CFAP299: variants seen among roughly 807,000 people sequenced by gnomAD.
The protein encoded by CFAP299 is cilia- and flagella-associated protein 299.
Under a neutral mutation model 27.0 loss-of-function variants are expected in CFAP299, and 21 were observed. That is an observed-to-expected ratio of 0.78 (90% CI 0.55 to 1.12). The LOEUF is 1.12. CFAP299 is among the 50% of genes most tolerant of loss of function. The pLI, the probability that CFAP299 is intolerant of heterozygous loss-of-function variation, is 0.00. For missense variants in CFAP299, 310 were observed against 276.6 expected (o/e 1.12, Z -0.86); for synonymous variants, 104 against 98.1 (o/e 1.06, Z -0.36).
intron 3 of CFAP299, among the ~76,000 whole-genome samples, chr4:80,836,797 A>G (rs1256152375): frequency 1.3e-5 from 2 of 152,092 alleles, no homozygotes; most frequent in Non-Finnish European, 2.9e-5. Flanking sequence ...CCTAATTTTG[A>G]TGATCTAGGA....
intron 2 of CFAP299, among the ~76,000 whole-genome samples, chr4:80,416,837 A>C (rs190837465): frequency 6.6e-6 from 1 of 152,362 alleles, no homozygotes; most frequent in Non-Finnish European, 1.5e-5. Context: ...GCTCACCAAC[A>C]GTAAAGTGGT....
At chr4:80,797,016 A>G (rs985996836) in intron 3 of CFAP299, among the ~76,000 whole-genome samples, 1 of 152,016 alleles carries the variant, frequency 6.6e-6, no homozygotes, top group African/African-American at 2.4e-5. Context: ...CTGAGCTAAA[A>G]CTCCATTAAT....
chr4:80,645,346 C>A (rs942873266), intron 3 of CFAP299, among the ~76,000 whole-genome samples: 8 of 134,028 alleles, frequency 6.0e-5, no homozygotes, highest in Middle Eastern at 3.4e-3. Flanking sequence ...CTCTACCTAC[C>A]TTCTTTTAGC....
At chr4:80,764,083 C>G (rs1041700502) in intron 3 of CFAP299, among the ~76,000 whole-genome samples, 3 of 152,026 alleles carry the variant, frequency 2.0e-5, no homozygotes, top group Non-Finnish European at 4.4e-5. Context: ...GTAGTTGCAA[C>G]AAAGCAAAAT....
chr4:80,546,332 C>T (rs1364210277), intron 2 of CFAP299, among the ~76,000 whole-genome samples: 5 of 152,258 alleles, frequency 3.3e-5, no homozygotes, highest in South Asian at 2.1e-4. Context: ...TACACCAATA[C>T]TATTCAACCT....
chr4:80,467,982 AG>A (rs1729791214), intron 2 of CFAP299, among the ~76,000 whole-genome samples: 1 of 152,176 alleles, frequency 6.6e-6, no homozygotes, highest in South Asian at 2.1e-4. Flanking sequence ...CCTCTCATCA[AG>A]TCCTTCTCTT....
At chr4:80,719,381 A>G (rs1052094137) in intron 3 of CFAP299, among the ~76,000 whole-genome samples, 1 of 152,162 alleles carries the variant, frequency 6.6e-6, no homozygotes, top group Non-Finnish European at 1.5e-5. Flanking sequence ...CTATGTTGAC[A>G]TTTTTGTTTC....
chr4:80,753,196 CTATT>C (rs920338408), intron 3 of CFAP299, among the ~76,000 whole-genome samples: 29 of 151,890 alleles, frequency 1.9e-4, no homozygotes, highest in South Asian at 4.1e-4. Context: ...TGAAATGTCT[CTATT>C]TATTTTTGTC....
At chr4:80,401,358 T>A (rs571064185) in intron 2 of CFAP299, among the ~76,000 whole-genome samples, 1 of 152,024 alleles carries the variant, frequency 6.6e-6, no homozygotes, top group Non-Finnish European at 1.5e-5. Flanking sequence ...TAAAAATGGT[T>A]TAGTGGACTG....
At chr4:80,400,310 C>T (rs1024684246) in intron 2 of CFAP299, among the ~76,000 whole-genome samples, 4 of 152,072 alleles carry the variant, frequency 2.6e-5, no homozygotes, top group African/African-American at 9.7e-5. Flanking sequence ...TCTTGATAGA[C>T]ATGAAATTTT....
intron 2 of CFAP299, among the ~76,000 whole-genome samples, chr4:80,412,407 G>A (rs1033164245): frequency 1.3e-5 from 2 of 151,844 alleles, no homozygotes; most frequent in Non-Finnish European, 2.9e-5. Flanking sequence ...GCAAGAAAAA[G>A]CCCCTTTAAT....
chr4:80,576,036 G>T (rs2109861163), intron 2 of CFAP299, among the ~76,000 whole-genome samples: 1 of 151,988 alleles, frequency 6.6e-6, no homozygotes, highest in South Asian at 2.1e-4. Flanking sequence ...GGCCTGTTGT[G>T]GGGTAGGGGG....
chr4:80,881,833 G>A (rs938933631), intron 4 of CFAP299, among the ~76,000 whole-genome samples: 4 of 152,170 alleles, frequency 2.6e-5, no homozygotes, highest in Admixed American at 2.0e-4. Context: ...ACAAGAGAAC[G>A]TGGATAGACA....
the CFAP299 span, among the ~76,000 whole-genome samples, chr4:80,327,021 T>C: frequency 2.0e-5 from 3 of 152,158 alleles, no homozygotes; most frequent in East Asian, 5.8e-4. Context: ...CATATAGTAG[T>C]GATCACTAGG....
chr4:80,559,864 CTG>C (rs1033000694), intron 2 of CFAP299, among the ~76,000 whole-genome samples: 15 of 152,198 alleles, frequency 9.9e-5, no homozygotes, highest in Admixed American at 7.2e-4. Flanking sequence ...CTACTGTACT[CTG>C]TGTCTCCAAG....
intron 3 of CFAP299, among the ~76,000 whole-genome samples, chr4:80,767,479 G>C (rs1410967067): frequency 1.3e-5 from 2 of 152,020 alleles, no homozygotes; most frequent in African/African-American, 2.4e-5. Flanking sequence ...CGTGGTGGTG[G>C]ACGCCTGTAG....
intron 2 of CFAP299, among the ~76,000 whole-genome samples, chr4:80,423,335 C>T (rs1382779152): frequency 1.3e-5 from 2 of 152,122 alleles, no homozygotes; most frequent in Admixed American, 6.5e-5. Context: ...AATAATAGTC[C>T]ATTTGGACTA....
At chr4:80,422,837 A>G (rs1727353558) in intron 2 of CFAP299, among the ~76,000 whole-genome samples, 1 of 152,140 alleles carries the variant, frequency 6.6e-6, no homozygotes, top group African/African-American at 2.4e-5. Flanking sequence ...ATAGGGATAC[A>G]TTCTGAGAAA....
chr4:80,741,429 C>G (rs1724264648), intron 3 of CFAP299, among the ~76,000 whole-genome samples: 1 of 151,964 alleles, frequency 6.6e-6, no homozygotes, highest in Non-Finnish European at 1.5e-5. Flanking sequence ...GAGTCCCTCC[C>G]TTTAAGGTAG....
Sources: allele counts gnomAD v4.1 joint callset (sites outside exome capture counted in the v4.1 genomes callset), GRCh38; gene constraint gnomAD v4.1.1; transcripts MANE v1.5; gene names NCBI Gene and HGNC (gene_info 2026-07-23, HGNC 2026-07-21).